Variants in IFNAR1 observed in about 807,000 individuals in gnomAD.
The protein encoded by IFNAR1 is interferon alpha/beta receptor 1.
IFNAR1 carries 47 observed loss-of-function variants against 62.1 expected under a neutral mutation model. That is an observed-to-expected ratio of 0.76 (90% CI 0.60 to 0.97). IFNAR1 has a LOEUF of 0.97. Among genes scored for constraint, IFNAR1 ranks in the 50% least tolerant of loss-of-function variants. IFNAR1 has a pLI of 0.00. For missense variants in IFNAR1, 638 were observed against 654.5 expected, an observed-to-expected ratio of 0.97 and a Z score of 0.27; for synonymous variants, 219 against 226.9, an observed-to-expected ratio of 0.97 and a Z score of 0.31.
At chr21:33,330,376 G>A (rs1271619231) in intron 1 of IFNAR1, among the ~76,000 whole-genome samples, 1 of 152,132 alleles carries the variant, frequency 6.6e-6, no homozygotes, top group Admixed American at 6.5e-5. Context: ...ACTTTTGGGA[G>A]CCGGATATTA....
intron 10 of IFNAR1, among the ~76,000 whole-genome samples, chr21:33,354,870 A>C (rs1263414515): frequency 6.6e-6 from 1 of 152,200 alleles, no homozygotes; most frequent in Non-Finnish European, 1.5e-5. Context: ...ATTCCTGTGT[A>C]CTGTAATATT....
Position 33,341,051 on chromosome 21 carries a change from A to G in IFNAR1, c.253A>G (p.Thr85Ala). 2 of 1,612,756 alleles carry G rather than the reference A, an allele frequency of 1.2e-6. No individual in the cohort carries two copies. Among genetic ancestry groups the G allele is most frequent in the East Asian group, 2.2e-5 (1 of 44,776 alleles). Residue 85 changes from threonine (T) to alanine (A), a missense_variant, in exon 3 of 11, where the codon ACC (threonine) becomes GCC (alanine). Transcript: ENST00000270139. Reference protein sequence around the residue: ...KLSGCQNITSTKCNFSSLKLN... With the variant: ...KLSGCQNITSAKCNFSSLKLN... ...GTCTGGGTGTCAGAATATTACTAGT[A>G]CCAAATGCAACTTTTCTTCACTCAA...
At chr21:33,351,634 G>A (rs541421283) in intron 8 of IFNAR1, among the ~76,000 whole-genome samples, 7 of 149,664 alleles carry the variant, frequency 4.7e-5, no homozygotes, top group African/African-American at 1.7e-4. Flanking sequence ...CTGCAGCCTC[G>A]ACTTCCTGGG....
chr21:33,350,227 G>T (rs559319829), intron 8 of IFNAR1, among the ~76,000 whole-genome samples: 1 of 149,762 alleles, frequency 6.7e-6, no homozygotes, highest in African/African-American at 2.5e-5. Context: ...GCAACATTCT[G>T]GTTTCTGCCT....
At chr21:33,345,802 T>G (rs1209791150) in intron 6 of IFNAR1, among the ~76,000 whole-genome samples, 1 of 152,220 alleles carries the variant, frequency 6.6e-6, no homozygotes, top group African/African-American at 2.4e-5. Context: ...CTTTATTACT[T>G]TAGTGGTTTT....
Position 33,349,440 on chromosome 21 carries a change from A to T in IFNAR1, c.1040A>T (p.His347Leu). 1 of 1,611,142 alleles carries T rather than the reference A, an allele frequency of 6.2e-7. No homozygotes were observed. The highest frequency in any genetic ancestry group is 8.5e-7 in the Non-Finnish European group (1 of 1,177,738). The change falls in exon 8 of 11, where the codon CAT becomes CTT. Residue 347 changes from histidine to leucine, a missense_variant. Transcript: ENST00000270139. ...FNIRSLSDSFHIYIGAPKQSG... is the reference protein window; with the variant it reads ...FNIRSLSDSFLIYIGAPKQSG... ...ATTAGATCCCTTAGTGATTCATTCCATATCTATATCGGTGCTCCAAAACAG... is the reference window on the plus strand; with the variant it reads ...ATTAGATCCCTTAGTGATTCATTCCTTATCTATATCGGTGCTCCAAAACAG...
At position 33,335,012 on chromosome 21, in the gene IFNAR1, G is replaced by A. The variant is rs577605951; in HGVS notation, c.77-512G>A. On this transcript the variant is annotated intron_variant, in intron 1 of 10. Coordinates refer to ENST00000270139, the MANE Select transcript of IFNAR1 (RefSeq NM_000629.3). ...CTGCTTGGGCAGGTGACTCTTCCTG[G>A]CACTGGTCAATTATTTGTGATGATG... The A allele has an allele frequency of 3.8e-3, 5,713 of 1,493,064 alleles. 19 individuals are homozygous for A. Among genetic ancestry groups the A allele is most frequent in the Non-Finnish European group, 4.6e-3 (4,955 of 1,073,780 alleles). The allele number at this position is 1,493,064 out of a possible 1,614,324, so 92.5% of individuals were successfully genotyped here.
At chr21:33,341,696 T>TC (rs1175170926) in intron 3 of IFNAR1, among the ~76,000 whole-genome samples, 1 of 152,214 alleles carries the variant, frequency 6.6e-6, no homozygotes, top group Non-Finnish European at 1.5e-5. Context: ...TCTTTTTTTT[T>TC]TTGAGACAGA....
Position 33,352,721 on chromosome 21 carries a change from G to A in IFNAR1, c.1144-37G>A, listed in dbSNP as rs761554612. On this transcript the variant is annotated intron_variant, in intron 8 of 10. Coordinates refer to ENST00000270139, the MANE Select transcript of IFNAR1 (RefSeq NM_000629.3). The stretch of plus-strand genomic sequence containing the variant: ...CACATATTCCCTGATTTCTTGAGGT[G>A]ACTAAATTTTATCAGTGATTTAATT... 9.0e-6 allele frequency: 11 copies of A among 1,225,554 alleles called. No individual in the cohort carries two copies. In the East Asian group the frequency reaches 2.1e-4, roughly 24 times the overall value. The allele number at this position is 1,225,554 out of a possible 1,614,324, so 75.9% of individuals were successfully genotyped here. A position where few individuals can be genotyped will look rare whatever the true frequency, so the allele number is the denominator to read the frequency against.
chr21:33,335,669 T>A (rs1320611805), intron 2 of IFNAR1, 22 bp downstream of exon 2: 1 of 1,502,440 alleles, frequency 6.7e-7, no homozygotes, highest in African/African-American at 1.4e-5. Context: ...TACTTACTGA[T>A]TTGTCAGAAT....
chr21:33,324,861 G>A (rs988040200), upstream of IFNAR1: 3 of 570,776 alleles, frequency 5.3e-6, no homozygotes, highest in Non-Finnish European at 9.5e-6. Context: ...AAAGGCGCGT[G>A]CGTGGAGGAA....
At chr21:33,354,962 G>A (rs1342501215) in intron 10 of IFNAR1, among the ~76,000 whole-genome samples, 2 of 151,856 alleles carry the variant, frequency 1.3e-5, no homozygotes, top group African/African-American at 2.4e-5. Flanking sequence ...GGATATATAT[G>A]TGTTGGATAC....
chr21:33,335,313 A>G (rs2083222792), intron 1 of IFNAR1, among the ~76,000 whole-genome samples: 1 of 152,220 alleles, frequency 6.6e-6, no homozygotes, highest in South Asian at 2.1e-4. Flanking sequence ...AGGAAAAAAA[A>G]TCAACTCTTT....
chr21:33,339,927 C>CAAAAAAAAAAAAAAAAAAAAAAAAA (rs532975886), intron 2 of IFNAR1, among the ~76,000 whole-genome samples: 1 of 81,832 alleles, frequency 1.2e-5, no homozygotes, highest in Non-Finnish European at 2.4e-5. Flanking sequence ...GACTCTGTCT[C>CAAAAAAAAAAAAAAAAAAAAAAAAA]AAAAAAAAAA....
At position 33,345,376 on chromosome 21, in the gene IFNAR1, T is replaced by C. The variant is rs1439315111; in HGVS notation, c.788+16T>C. ...AGTGGCTCCAGTAAGTTCCATTCCA[T>C]AAATTTCCTTTTGCCCAGTTTGTTT... On this transcript the variant is annotated intron_variant, in intron 6 of 10. Coordinates refer to ENST00000270139, the MANE Select transcript of IFNAR1 (RefSeq NM_000629.3). The C allele has an allele frequency of 1.5e-6, 2 of 1,365,938 alleles. No homozygotes were observed. Among genetic ancestry groups the C allele is most frequent in the Non-Finnish European group, 2.1e-6 (2 of 954,822 alleles). 84.6% of individuals were successfully genotyped at this position (1,365,938 alleles called of 1,614,324 possible).
Position 33,357,287 on chromosome 21 carries a change from G to C in IFNAR1, c.*1738G>C, listed in dbSNP as rs1047332752. 2 of 152,228 alleles carry C rather than the reference G, an allele frequency of 1.3e-5. No individual in the cohort carries two copies. Among genetic ancestry groups the C allele is most frequent in the African/African-American group, 4.8e-5 (2 of 41,460 alleles). 9.4% of individuals were successfully genotyped at this position (152,228 alleles called of 1,614,324 possible). A position where few individuals can be genotyped will look rare whatever the true frequency, so the allele number is the denominator to read the frequency against. On this transcript the variant is annotated 3_prime_UTR_variant, in exon 11 of 11. Transcript: ENST00000270139. The stretch of plus-strand genomic sequence containing the variant: ...TTCTGCTGAAAAAACAGATGATCCT[G>C]GTGGAAGAAAAGGTTGAAGGCAGCT...
Position 33,343,270 on chromosome 21 carries a change from C to G in IFNAR1, c.379C>G (p.Gln127Glu). ...TAATTGTTTTGATTTTTTTGCAGCTCAGATTGGTCCTCCAGAAGTACATTT... is the reference window on the plus strand; with the variant it reads ...TAATTGTTTTGATTTTTTTGCAGCTGAGATTGGTCCTCCAGAAGTACATTT... ...VDSFTPFRKA[Q>E]IGPPEVHLEA... Residue 127 changes from glutamine to glutamate, a missense_variant and splice_region_variant, in exon 4 of 11, where the codon CAG becomes GAG. Gln to Glu is a conservative substitution (Grantham distance 29). Coordinates refer to ENST00000270139, the MANE Select transcript of IFNAR1 (RefSeq NM_000629.3). 6.2e-7 allele frequency: 1 copy of G among 1,609,036 alleles called. No individual in the cohort carries two copies. The highest frequency in any genetic ancestry group is 1.7e-4 in the Middle Eastern group (1 of 6,032).
chr21:33,341,001 C>G lies in IFNAR1; in HGVS notation c.203C>G (p.Thr68Ser). The G allele has an allele frequency of 6.3e-7, 1 of 1,598,320 alleles. No homozygotes were observed. Among genetic ancestry groups the G allele is most frequent in the Non-Finnish European group, 8.6e-7 (1 of 1,168,584 alleles). Reference sequence around the variant, plus strand: ...CATTTGTTTTTTTTACTTTAAAGAACTGGGATGGATAATTGGATAAAATTG... The same window carrying G: ...CATTTGTTTTTTTTACTTTAAAGAAGTGGGATGGATAATTGGATAAAATTG... ...NVTFSFDYQK[T>S]GMDNWIKLSG... The change falls in exon 3 of 11, where the codon ACT (threonine) becomes AGT (serine). Residue 68 changes from threonine (T) to serine (S), a missense_variant and splice_region_variant. Coordinates refer to ENST00000270139, the MANE Select transcript of IFNAR1 (RefSeq NM_000629.3).
At position 33,356,880 on chromosome 21, in the gene IFNAR1, C is replaced by T. The variant is rs1316403966; in HGVS notation, c.*1331C>T. Reference sequence around the variant, plus strand: ...ATCAGCTCTCAGTGATCAACCCACTCTTGTTATGGGTGGTCTCTGTCACTT... The same window carrying T: ...ATCAGCTCTCAGTGATCAACCCACTTTTGTTATGGGTGGTCTCTGTCACTT... On this transcript the variant is annotated 3_prime_UTR_variant, in exon 11 of 11. Transcript: ENST00000270139. 6.6e-6 allele frequency: 1 copy of T among 152,332 alleles called. No homozygotes were observed. Among genetic ancestry groups the T allele is most frequent in the East Asian group, 1.9e-4 (1 of 5,188 alleles). 9.4% of individuals were successfully genotyped at this position (152,332 alleles called of 1,614,324 possible).
Sources: allele counts gnomAD v4.1 joint callset (sites outside exome capture counted in the v4.1 genomes callset), GRCh38; gene constraint gnomAD v4.1.1; transcripts MANE v1.5; gene names NCBI Gene and HGNC (gene_info 2026-07-23, HGNC 2026-07-21).